FAM227A: variants seen among roughly 807,000 people sequenced by gnomAD.
FAM227A encodes the protein protein FAM227A.
A neutral mutation model predicts 74.7 loss-of-function variants in FAM227A; 80 were observed. The ratio of observed to expected loss-of-function variants is 1.07; its 90% CI spans 0.89 to 1.29. The LOEUF (loss-of-function observed/expected upper bound fraction) is 1.29. Among genes scored for constraint, FAM227A ranks in the 50% most tolerant of loss-of-function variants. The pLI is 0.00. For missense variants in FAM227A, 654 were observed against 683.4 expected (o/e 0.96, Z 0.48); for synonymous variants, 237 against 241.8 (o/e 0.98, Z 0.19).
chr22:38,627,460 C>T (rs1350933327), intron 8 of FAM227A, among the ~76,000 whole-genome samples: 2 of 151,430 alleles, frequency 1.3e-5, no homozygotes, highest in East Asian at 2.0e-4. Context: ...CCCAGCTACT[C>T]GGAAGGCTGA....
chr22:38,602,971 T>C (rs1372948067), intron 13 of FAM227A, among the ~76,000 whole-genome samples: 1 of 152,172 alleles, frequency 6.6e-6, no homozygotes, highest in Admixed American at 6.5e-5. Flanking sequence ...CCTCCTGGGT[T>C]CAAGCAATTC....
chr22:38,595,657 A>G (rs928236852), intron 15 of FAM227A, among the ~76,000 whole-genome samples: 10 of 152,220 alleles, frequency 6.6e-5, no homozygotes, highest in Non-Finnish European at 1.3e-4. Flanking sequence ...ATGTGCTCTT[A>G]CAATGCAGAG....
At chr22:38,622,705 G>A (rs2091715926) in intron 10 of FAM227A, among the ~76,000 whole-genome samples, 1 of 151,836 alleles carries the variant, frequency 6.6e-6, no homozygotes. Flanking sequence ...GCAAAACCCT[G>A]TCTCTACTAA....
At chr22:38,622,379 T>C (rs2091709036) in intron 10 of FAM227A, among the ~76,000 whole-genome samples, 1 of 152,204 alleles carries the variant, frequency 6.6e-6, no homozygotes, top group Non-Finnish European at 1.5e-5. Context: ...CTGGGGCTCC[T>C]TGGCCCTGCA....
chr22:38,628,125 T>C, intron 8 of FAM227A, 113 bp downstream of exon 8: 1 of 691,862 alleles, frequency 1.4e-6, no homozygotes, highest in Non-Finnish European at 2.5e-6. Flanking sequence ...GTATGGATTA[T>C]GACAATTTAC....
At chr22:38,641,990 C>T (rs930998313) in intron 3 of FAM227A, among the ~76,000 whole-genome samples, 42 of 149,758 alleles carry the variant, frequency 2.8e-4, no homozygotes, top group Non-Finnish European at 2.8e-4. Flanking sequence ...CGTGTGTGTG[C>T]GCGTGTGTTT....
At chr22:38,645,771 C>A (rs2092224858) in intron 2 of FAM227A, 126 bp from the exon 3 acceptor site, 1 of 616,950 alleles carries the variant, frequency 1.6e-6, no homozygotes, top group Non-Finnish European at 2.8e-6. Flanking sequence ...TCTTTGCATT[C>A]AGAGTTTTCA....
At chr22:38,596,100 TC>T (rs2146183506) in intron 15 of FAM227A, among the ~76,000 whole-genome samples, 1 of 152,082 alleles carries the variant, frequency 6.6e-6, no homozygotes, top group South Asian at 2.1e-4. Context: ...CAGGGGCAGA[TC>T]ACCTGAGGTC....
chr22:38,585,874 C>A lies in FAM227A; in HGVS notation c.*251G>T. 1 of 792,802 alleles carries A rather than the reference C, an allele frequency of 1.3e-6. No homozygotes were observed. The highest frequency in any genetic ancestry group is 1.9e-6 in the Non-Finnish European group (1 of 522,336). The allele number at this position is 792,802 out of a possible 1,614,324, so 49.1% of individuals were successfully genotyped here. On this transcript the variant is annotated 3_prime_UTR_variant, in exon 17 of 17. Coordinates refer to ENST00000535113, the MANE Select transcript of FAM227A (RefSeq NM_001013647.2). ...TGAGGTCATATTTGTAACATACTTA[C>A]CAGCATGCACGTAATAAAATACTGA... is the stretch of plus-strand genomic sequence containing the variant.
At chr22:38,598,040 C>T (rs895991691) in intron 14 of FAM227A, among the ~76,000 whole-genome samples, 3 of 63,698 alleles carry the variant, frequency 4.7e-5, no homozygotes, top group Non-Finnish European at 9.5e-5. Context: ...GAGACTCTGT[C>T]TCAAAAAAAA....
At chr22:38,609,327 T>C (rs1319773539) in intron 11 of FAM227A, among the ~76,000 whole-genome samples, 2 of 152,204 alleles carry the variant, frequency 1.3e-5, no homozygotes, top group Admixed American at 6.5e-5. Context: ...GCCAGGTACA[T>C]GCCCAGCAAA....
At chr22:38,625,588 T>C (rs1163989129) in intron 9 of FAM227A, among the ~76,000 whole-genome samples, 1 of 151,974 alleles carries the variant, frequency 6.6e-6, no homozygotes, top group Non-Finnish European at 1.5e-5. Context: ...CAGGGCTGTG[T>C]TGAAACTTTG....
intron 11 of FAM227A, among the ~76,000 whole-genome samples, chr22:38,611,067 GAAA>G (rs140650153): frequency 0.034 from 5,134 of 149,152 alleles, 110 homozygotes; most frequent in Middle Eastern, 0.059. Flanking sequence ...CTCGAAAAAA[GAAA>G]AAAAAAATCT....
At chr22:38,613,231 T>TAC (rs2091475603) in intron 11 of FAM227A, among the ~76,000 whole-genome samples, 1 of 55,238 alleles carries the variant, frequency 1.8e-5, no homozygotes, top group African/African-American at 7.7e-5. Context: ...ATATATATTA[T>TAC]ATATATAATA....
Position 38,645,521 on chromosome 22 carries a change from C to T in FAM227A, c.225+42G>A, listed in dbSNP as rs1194367257. On this transcript the variant is annotated intron_variant, in intron 3 of 16. Coordinates refer to ENST00000535113, the MANE Select transcript of FAM227A (RefSeq NM_001013647.2). The stretch of plus-strand genomic sequence containing the variant: ...ACCTTGATGATCCCCGGGGCCCTTC[C>T]CTGTCAGAAGCTTTGTCTCAGCTCC... The T allele has an allele frequency of 4.3e-6, 6 of 1,411,288 alleles. No homozygotes were observed. The East Asian group carries it at 1.5e-4, about 35-fold the overall frequency. 87.4% of individuals were successfully genotyped at this position (1,411,288 alleles called of 1,614,324 possible).
chr22:38,623,835 T>G (rs562138674), intron 9 of FAM227A, among the ~76,000 whole-genome samples: 2 of 152,338 alleles, frequency 1.3e-5, no homozygotes, highest in Admixed American at 1.3e-4. Flanking sequence ...ATGTTTAACA[T>G]GATCACACTT....
chr22:38,616,663 T>C (rs1364899652), intron 11 of FAM227A, among the ~76,000 whole-genome samples: 2 of 143,676 alleles, frequency 1.4e-5, no homozygotes, highest in Non-Finnish European at 3.0e-5. Flanking sequence ...CGAAACTCCA[T>C]CTCAAAAAAA....
chr22:38,613,238 A>T (rs181272102), intron 11 of FAM227A, among the ~76,000 whole-genome samples: 6 of 78,312 alleles, frequency 7.7e-5, no homozygotes, highest in African/African-American at 3.3e-4. Context: ...TTATATATAT[A>T]ATATATAATA....
At chr22:38,621,896 G>A (rs933949290) in intron 10 of FAM227A, among the ~76,000 whole-genome samples, 6 of 151,886 alleles carry the variant, frequency 4.0e-5, no homozygotes, top group Admixed American at 6.6e-5. Context: ...TCCCCCTCCC[G>A]CTGTTGCCTT....
Sources: gnomAD v4.1 joint callset for allele counts (sites outside exome capture counted in the v4.1 genomes callset) on GRCh38, gnomAD v4.1.1 for gene constraint, MANE v1.5 for transcripts, NCBI Gene and HGNC (gene_info 2026-07-23, HGNC 2026-07-21) for gene names.